IMMP2L: variants seen among roughly 807,000 people sequenced by gnomAD.
IMMP2L encodes the protein inner mitochondrial membrane peptidase subunit 2.
A neutral mutation model predicts 19.3 loss-of-function variants in IMMP2L; 18 were observed. The observed-to-expected ratio is 0.93, with a 90% CI of 0.64 to 1.38. IMMP2L has a LOEUF of 1.38. IMMP2L is among the 40% of genes most tolerant of loss of function. The probability of loss-of-function intolerance (pLI) is 0.00; values close to 1 mark genes in which losing one functional copy is unlikely to be tolerated. For synonymous variants in IMMP2L, 76 were observed against 73.0 expected (o/e 1.04, Z -0.21); for missense variants, 233 against 218.2 (o/e 1.07, Z -0.43).
In IMMP2L at chr7:110,727,217, G is replaced by A. The variant is rs145713276; in HGVS notation, c.409-63496C>T. On this transcript the variant is annotated intron_variant, in intron 5 of 5. Transcript: ENST00000405709. The surrounding 1 kb of genome is among the most constrained non-coding windows in gnomAD (Gnocchi z 4.3). Reference sequence around the variant, plus strand: ...TGCCTGACCAACATGGTGAAACCACGTCTCTACTAAAAATACAAAAAAATG... The same window carrying A: ...TGCCTGACCAACATGGTGAAACCACATCTCTACTAAAAATACAAAAAAATG... 0.012 allele frequency among the ~76,000 whole-genome samples: 1,776 copies of A among 152,042 alleles called. 25 individuals are homozygous for A. The highest frequency in any genetic ancestry group is 0.047 in the South Asian group (228 of 4,814).
At chr7:111,009,308 A>G (rs1824663278) in intron 3 of IMMP2L, among the ~76,000 whole-genome samples, 1 of 152,118 alleles carries the variant, frequency 6.6e-6, no homozygotes. Context: ...CAATGATTTC[A>G]CTCAACACTA....
At chr7:110,736,308 G>A (rs1796631549) in intron 5 of IMMP2L, among the ~76,000 whole-genome samples, 1 of 152,212 alleles carries the variant, frequency 6.6e-6, no homozygotes, top group Admixed American at 6.5e-5. Flanking sequence ...CAGGCTCAGG[G>A]TCACTGCAGA....
At chr7:110,741,269 C>T (rs1003121402) in intron 5 of IMMP2L, among the ~76,000 whole-genome samples, 10 of 152,020 alleles carry the variant, frequency 6.6e-5, no homozygotes, top group South Asian at 2.1e-4. Context: ...TATATGGACA[C>T]GACCTGTTCC....
chr7:111,082,804 T>C (rs1463930011), intron 3 of IMMP2L, among the ~76,000 whole-genome samples: 1 of 149,816 alleles, frequency 6.7e-6, no homozygotes, highest in African/African-American at 2.5e-5. Flanking sequence ...GTTAATTTGC[T>C]CATTTTCTGC....
rs1269413524 is a variant in IMMP2L at position 110,872,497 on chromosome 7, A to C, written c.408+14096T>G. Among the ~76,000 whole-genome samples, 4 of 152,292 alleles carry C rather than the reference A, an allele frequency of 2.6e-5. No homozygotes were observed. In the East Asian group the frequency reaches 5.8e-4, roughly 22 times the overall value. On this transcript the variant is annotated intron_variant, in intron 5 of 5. Transcript: ENST00000405709. ...CTAACACCCTGTATTATCTGGGAACAACAACCCCTTTCCCTGTACTGGCAT... is the reference window on the plus strand; with the variant it reads ...CTAACACCCTGTATTATCTGGGAACCACAACCCCTTTCCCTGTACTGGCAT...
chr7:111,180,559 C>T (rs1025524671), intron 3 of IMMP2L, among the ~76,000 whole-genome samples: 2 of 151,976 alleles, frequency 1.3e-5, no homozygotes, highest in African/African-American at 4.8e-5. Context: ...TGAAACACTG[C>T]AAGAATTACC....
At chr7:110,857,691 C>A (rs551520781) in intron 5 of IMMP2L, among the ~76,000 whole-genome samples, 30 of 152,074 alleles carry the variant, frequency 2.0e-4, no homozygotes, top group African/African-American at 7.2e-4. Flanking sequence ...ATTCAAAATC[C>A]AGTCAGTCCT....
At chr7:110,791,791 T>C (rs1035158145) in intron 5 of IMMP2L, among the ~76,000 whole-genome samples, 2 of 151,774 alleles carry the variant, frequency 1.3e-5, no homozygotes, top group African/African-American at 4.9e-5. Flanking sequence ...AAGCAGAGAA[T>C]GTGTCCAGCA....
At chr7:111,375,429 A>G (rs1290077669) in intron 3 of IMMP2L, among the ~76,000 whole-genome samples, 2 of 152,102 alleles carry the variant, frequency 1.3e-5, no homozygotes, top group Non-Finnish European at 2.9e-5. Context: ...TGCATTTTCA[A>G]CAAACACAGT....
chr7:110,938,984 A>G (rs1404746231), intron 4 of IMMP2L, among the ~76,000 whole-genome samples: 1 of 152,220 alleles, frequency 6.6e-6, no homozygotes, highest in East Asian at 1.9e-4. Flanking sequence ...ACATATGAAC[A>G]TACAAATGAC....
chr7:111,522,926 C>CATATATATATATATATATATATAT lies in IMMP2L; in HGVS notation c.-2-1478_-2-1477insATATATATATATATATATATATAT, dbSNP rs148789480. Among the ~76,000 whole-genome samples the CATATATATATATATATATATATAT allele has an allele frequency of 4.8e-3, 654 of 134,872 alleles. 11 individuals are homozygous for CATATATATATATATATATATATAT. Among genetic ancestry groups the CATATATATATATATATATATATAT allele is most frequent in the Non-Finnish European group, 7.0e-3 (443 of 63,352 alleles). 88.5% of individuals were successfully genotyped at this position (134,872 alleles called of 152,430 possible). On this transcript the variant is annotated intron_variant, in intron 1 of 5. Transcript: ENST00000405709. ...TGAATGAACTTTAAGATGTGAGATA[C>CATATATATATATATATATATATAT]ATATATATATATTATTTCACCATAA...
At chr7:110,928,781 C>A (rs1253637943) in intron 4 of IMMP2L, among the ~76,000 whole-genome samples, 1 of 152,082 alleles carries the variant, frequency 6.6e-6, no homozygotes, top group Non-Finnish European at 1.5e-5. Context: ...CTTGCTGAAT[C>A]CTTCCTTTTT....
At chr7:111,305,127 T>C (rs1039098807) in intron 3 of IMMP2L, among the ~76,000 whole-genome samples, 1 of 151,816 alleles carries the variant, frequency 6.6e-6, no homozygotes. Context: ...TGAAATGGCA[T>C]CTCCAGAGTC....
At chr7:111,345,246 T>C (rs561275905) in intron 3 of IMMP2L, among the ~76,000 whole-genome samples, 21 of 152,234 alleles carry the variant, frequency 1.4e-4, no homozygotes, top group African/African-American at 4.8e-4. Flanking sequence ...AAGTAAAAAT[T>C]CCAAGTAGAC....
intron 3 of IMMP2L, among the ~76,000 whole-genome samples, chr7:111,047,381 T>C (rs1792508777): frequency 6.6e-6 from 1 of 151,982 alleles, no homozygotes; most frequent in African/African-American, 2.4e-5. Flanking sequence ...ACAGAAGGGG[T>C]TTCTCCATGT....
chr7:110,698,201 A>G (rs1336531311), intron 5 of IMMP2L, among the ~76,000 whole-genome samples: 1 of 152,170 alleles, frequency 6.6e-6, no homozygotes, highest in Non-Finnish European at 1.5e-5. Context: ...TACTAGCAGA[A>G]AGAGTCTATA....
chr7:110,847,022 A>G (rs552416340), intron 5 of IMMP2L, among the ~76,000 whole-genome samples: 1 of 152,172 alleles, frequency 6.6e-6, no homozygotes, highest in South Asian at 2.1e-4. Context: ...TCTTTATTCA[A>G]CCTTTCATCA....
intron 3 of IMMP2L, among the ~76,000 whole-genome samples, chr7:111,091,802 GA>G (rs1385208325): frequency 6.6e-6 from 1 of 151,872 alleles, no homozygotes; most frequent in Non-Finnish European, 1.5e-5. Flanking sequence ...GAGGGAGACA[GA>G]AGAGAAGGGA....
intron 3 of IMMP2L, among the ~76,000 whole-genome samples, chr7:111,355,691 C>T (rs1828627726): frequency 6.6e-6 from 1 of 151,844 alleles, no homozygotes; most frequent in Non-Finnish European, 1.5e-5. Flanking sequence ...TTTAAATGTT[C>T]ACCTCTATAT....
Sources: allele counts gnomAD v4.1 joint callset (sites outside exome capture counted in the v4.1 genomes callset), GRCh38; gene constraint gnomAD v4.1.1; non-coding constraint Gnocchi (gnomAD v3.1); transcripts MANE v1.5; gene names NCBI Gene and HGNC (gene_info 2026-07-23, HGNC 2026-07-21).